Variants in KCTD12 observed in about 807,000 individuals in gnomAD.
KCTD12 encodes potassium channel tetramerization domain containing 12, also known as BTB/POZ domain-containing protein KCTD12.
A neutral mutation model predicts 22.6 loss-of-function variants in KCTD12; 16 were observed. That is an observed-to-expected ratio of 0.71 (90% confidence interval 0.48 to 1.07). The LOEUF is 1.07. Among genes scored for constraint, KCTD12 ranks in the 50% least tolerant of loss-of-function variants. The pLI, the probability that KCTD12 is intolerant of heterozygous loss-of-function variation, is 0.00. For missense variants in KCTD12, 452 were observed against 469.2 expected (o/e 0.96, Z 0.34); for synonymous variants, 260 against 228.0 (o/e 1.14, Z -1.26).
At position 76,885,149 on chromosome 13, in the gene KCTD12, G is replaced by GT; in HGVS notation, c.*21dup. The GT allele has an allele frequency of 1.2e-6, 2 of 1,601,528 alleles. No homozygotes were observed. Among genetic ancestry groups the GT allele is most frequent in the Non-Finnish European group, 1.7e-6 (2 of 1,171,838 alleles). ...GGCAGGAGAAGGACTGGGCGCTGGA[G>GT]TGGCGAGGGGGTCTGGGGAGCTCAC... On this transcript the variant is annotated 3_prime_UTR_variant, in exon 1 of 1. Transcript: ENST00000377474. The surrounding 1 kb of genome is among the most constrained non-coding windows in gnomAD (Gnocchi z 5.1).
chr13:76,880,700 T>C lies in KCTD12; in HGVS notation c.*4471A>G, dbSNP rs1252293517. On this transcript the variant is annotated 3_prime_UTR_variant, in exon 1 of 1. Coordinates refer to ENST00000377474, the MANE Select transcript of KCTD12 (RefSeq NM_138444.4). ...TGTTTGAGTGGTCATAAATGAATTG[T>C]CATTTGTATTCAATAGTAATAGCAA... is the stretch of plus-strand genomic sequence containing the variant. 6.6e-6 allele frequency: 1 copy of C among 152,660 alleles called. No individual in the cohort carries two copies. The allele number at this position is 152,660 out of a possible 1,614,324, so 9.5% of individuals were successfully genotyped here.
Position 76,880,737 on chromosome 13 carries a change from C to T in KCTD12, c.*4434G>A, listed in dbSNP as rs924403737. 1 of 152,430 alleles carries T rather than the reference C, an allele frequency of 6.6e-6. No homozygotes were observed. Among genetic ancestry groups the T allele is most frequent in the Non-Finnish European group, 1.5e-5 (1 of 67,990 alleles). 9.4% of individuals were successfully genotyped at this position (152,430 alleles called of 1,614,324 possible). A position where few individuals can be genotyped will look rare whatever the true frequency, so the allele number is the denominator to read the frequency against. ...AATAGTAATAGCAAAATTTACCTGC[C>T]TATAAAGTCGCAAAAACAGTTGTAT... On this transcript the variant is annotated 3_prime_UTR_variant, in exon 1 of 1. Transcript: ENST00000377474.
At position 76,885,501 on chromosome 13, in the gene KCTD12, G is replaced by A. The variant is rs1343086864; in HGVS notation, c.648C>T (p.Gly216=). Residue 216 remains glycine (G), a synonymous_variant, in exon 1 of 1, where the codon GGC becomes GGT. Coordinates refer to ENST00000377474, the MANE Select transcript of KCTD12 (RefSeq NM_138444.4). The surrounding 1 kb of genome is among the most constrained non-coding windows in gnomAD (Gnocchi z 5.1). ...RSGYITIGYR[G]SYTIGRDAQA... ...GCGCGTCCCGCCCGATGGTGTAGGA[G>A]CCGCGGTAGCCGATGGTGATGTAGC... 5 of 1,601,620 alleles carry A rather than the reference G, an allele frequency of 3.1e-6. No homozygotes were observed. The highest frequency in any genetic ancestry group is 3.3e-4 in the Middle Eastern group (2 of 6,004).
rs1031761542 is a variant in KCTD12 at position 76,884,895 on chromosome 13, T to A, written c.*276A>T. On this transcript the variant is annotated 3_prime_UTR_variant, in exon 1 of 1. Transcript: ENST00000377474. ...GGGAGGGGTGGTTTGAGGCAGGGAG[T>A]AGAGAAAGCATGGAGTGGTAGGTGG... 3 of 358,200 alleles carry A rather than the reference T, an allele frequency of 8.4e-6. No homozygotes were observed. The highest frequency in any genetic ancestry group is 5.6e-5 in the Admixed American group (1 of 17,924). 22.2% of individuals were successfully genotyped at this position (358,200 alleles called of 1,614,324 possible). A position where few individuals can be genotyped will look rare whatever the true frequency, so the allele number is the denominator to read the frequency against.
rs752961555 is a variant in KCTD12 at position 76,885,375 on chromosome 13, G to A, written c.774C>T (p.Asp258=). 1 of 1,613,666 alleles carries A rather than the reference G, an allele frequency of 6.2e-7. No homozygotes were observed. The highest frequency in any genetic ancestry group is 8.5e-7 in the Non-Finnish European group (1 of 1,179,974). The change falls in exon 1 of 1, where the codon GAC becomes GAT. Residue 258 remains aspartate (D), a synonymous_variant. Transcript: ENST00000377474. This position sits in a 1 kb window ranked among gnomAD's most constrained non-coding sequence, Gnocchi z 5.1. ...VFGDTLNESR[D]PDRPPERYTS... is the part of the protein sequence containing the mutation. ...TGTAGCGCTCCGGGGGACGGTCGGG[G>A]TCCCGGCTTTCGTTCAGGGTGTCCC...
Position 76,885,610 on chromosome 13 carries a change from T to C in KCTD12, c.539A>G (p.Glu180Gly), listed in dbSNP as rs1202187102. ...CCCGGACGGACTGCGGCTAGCCAGCTCCAGCGTGGGCGACGGCGCCCCGGC... is the reference window on the plus strand; with the variant it reads ...CCCGGACGGACTGCGGCTAGCCAGCCCCAGCGTGGGCGACGGCGCCCCGGC... ...ASAGAPSPTL[E>G]LASRSPSGGA... The change falls in exon 1 of 1, where the codon GAG (glutamate) becomes GGG (glycine). Residue 180 changes from glutamate (E) to glycine (G), a missense_variant. This residue lies in a region of KCTD12 where 330 missense variants were observed against 296.5 expected (regional missense o/e 1.11). Transcript: ENST00000377474. This position sits in a 1 kb window ranked among gnomAD's most constrained non-coding sequence, Gnocchi z 5.1. 7.9e-6 allele frequency: 12 copies of C among 1,511,082 alleles called. No homozygotes were observed. Among genetic ancestry groups the C allele is most frequent in the Non-Finnish European group, 9.6e-6 (11 of 1,140,228 alleles). The allele number at this position is 1,511,082 out of a possible 1,614,324, so 93.6% of individuals were successfully genotyped here.
In KCTD12 at chr13:76,885,981, G is replaced by C. The variant is rs200953040; in HGVS notation, c.168C>G (p.Pro56=). ...TGAACATGCGCCAGAGCAGCGAGTC[G>C]GGCACCGACACCACCGTGCAGCGCC... is the stretch of plus-strand genomic sequence containing the variant. ...VTRRCTVVSV[P]DSLLWRMFTQ... The change falls in exon 1 of 1, where the codon CCC becomes CCG. Residue 56 remains proline (P), a synonymous_variant. Coordinates refer to ENST00000377474, the MANE Select transcript of KCTD12 (RefSeq NM_138444.4). The surrounding 1 kb of genome is among the most constrained non-coding windows in gnomAD (Gnocchi z 5.1). The C allele has an allele frequency of 1.8e-5, 29 of 1,588,980 alleles. No homozygotes were observed. In the East Asian group the frequency reaches 4.6e-4, roughly 25 times the overall value.
In KCTD12 at chr13:76,881,461, A is replaced by G. The variant is rs1179659442; in HGVS notation, c.*3710T>C. The G allele has an allele frequency of 6.6e-6, 1 of 152,624 alleles. No individual in the cohort carries two copies. The highest frequency in any genetic ancestry group is 1.9e-4 in the East Asian group (1 of 5,204). 9.5% of individuals were successfully genotyped at this position (152,624 alleles called of 1,614,324 possible). A position where few individuals can be genotyped will look rare whatever the true frequency, so the allele number is the denominator to read the frequency against. On this transcript the variant is annotated 3_prime_UTR_variant, in exon 1 of 1. Transcript: ENST00000377474. ...GTTTCACCTTACATGGCTTTATTGA[A>G]ATAACATTCCATCGAAAATTCCAAT...
In KCTD12 at chr13:76,885,449, C is replaced by T; in HGVS notation, c.700G>A (p.Ala234Thr). The T allele has an allele frequency of 6.2e-7, 1 of 1,611,480 alleles. No individual in the cohort carries two copies. The highest frequency in any genetic ancestry group is 8.5e-7 in the Non-Finnish European group (1 of 1,179,944). Residue 234 changes from alanine to threonine, a missense_variant, in exon 1 of 1, where the codon GCG becomes ACG. By Grantham distance (58) the Ala-to-Thr change is moderately conservative. Coordinates refer to ENST00000377474, the MANE Select transcript of KCTD12 (RefSeq NM_138444.4). This position sits in a 1 kb window ranked among gnomAD's most constrained non-coding sequence, Gnocchi z 5.1. ...GTCTTTCCGCAAACGGTGATGCGCG[C>T]CACTCGCCGGAACTTGGCGTCCGCC... ...AQADAKFRRV[A>T]RITVCGKTSL...
chr13:76,886,035 C>T lies in KCTD12; in HGVS notation c.114G>A (p.Leu38=). Residue 38 remains leucine (L), a synonymous_variant, in exon 1 of 1, where the codon CTG becomes CTA. Coordinates refer to ENST00000377474, the MANE Select transcript of KCTD12 (RefSeq NM_138444.4). ...EPPLFPDIVE[L]NVGGQVYVTR... ...TCACGTACACCTGGCCCCCCACGTTCAGCTCCACGATGTCGGGGAAGAGCG... is the reference window on the plus strand; with the variant it reads ...TCACGTACACCTGGCCCCCCACGTTTAGCTCCACGATGTCGGGGAAGAGCG... 1 of 1,587,992 alleles carries T rather than the reference C, an allele frequency of 6.3e-7. No homozygotes were observed. Among genetic ancestry groups the T allele is most frequent in the Non-Finnish European group, 8.5e-7 (1 of 1,170,886 alleles).
Position 76,885,588 on chromosome 13 carries a change from G to A in KCTD12, c.561C>T (p.Ser187=). The A allele has an allele frequency of 1.0e-5, 16 of 1,537,672 alleles. No homozygotes were observed. The highest frequency in any genetic ancestry group is 1.3e-5 in the Non-Finnish European group (15 of 1,148,320). ...TGAGCAGCGGGCCCGCCGCGCCCCCGGACGGACTGCGGCTAGCCAGCTCCA... is the reference window on the plus strand; with the variant it reads ...TGAGCAGCGGGCCCGCCGCGCCCCCAGACGGACTGCGGCTAGCCAGCTCCA... ...PTLELASRSP[S]GGAAGPLLTP... The change falls in exon 1 of 1, where the codon TCC becomes TCT. Residue 187 remains serine (S), a synonymous_variant. Coordinates refer to ENST00000377474, the MANE Select transcript of KCTD12 (RefSeq NM_138444.4). The surrounding 1 kb of genome is among the most constrained non-coding windows in gnomAD (Gnocchi z 5.1).
Position 76,885,542 on chromosome 13 carries a change from C to G in KCTD12, c.607G>C (p.Gly203Arg), listed in dbSNP as rs990400634. The G allele has an allele frequency of 8.9e-6, 14 of 1,566,966 alleles. No individual in the cohort carries two copies. Among genetic ancestry groups the G allele is most frequent in the Non-Finnish European group, 1.2e-5 (14 of 1,160,702 alleles). The change falls in exon 1 of 1, where the codon GGC (glycine) becomes CGC (arginine). Residue 203 changes from glycine (G) to arginine (R), a missense_variant. This residue lies in a region of KCTD12 where 330 missense variants were observed against 296.5 expected (regional missense o/e 1.11). Transcript: ENST00000377474. The surrounding 1 kb of genome is among the most constrained non-coding windows in gnomAD (Gnocchi z 5.1). Reference protein sequence around the residue: ...PLLTPSQSLDGSRRSGYITIG... With the variant: ...PLLTPSQSLDRSRRSGYITIG... Reference sequence around the variant, plus strand: ...GTGATGTAGCCCGAGCGCCGGCTGCCGTCCAGCGACTGGGACGGCGTGAGC... The same window carrying G: ...GTGATGTAGCCCGAGCGCCGGCTGCGGTCCAGCGACTGGGACGGCGTGAGC...
At position 76,881,002 on chromosome 13, in the gene KCTD12, A is replaced by C. The variant is rs2033196699; in HGVS notation, c.*4169T>G. 6.6e-6 allele frequency: 1 copy of C among 152,118 alleles called. No homozygotes were observed. Among genetic ancestry groups the C allele is most frequent in the South Asian group, 2.1e-4 (1 of 4,826 alleles). 9.4% of individuals were successfully genotyped at this position (152,118 alleles called of 1,614,324 possible). On this transcript the variant is annotated 3_prime_UTR_variant, in exon 1 of 1. Coordinates refer to ENST00000377474, the MANE Select transcript of KCTD12 (RefSeq NM_138444.4). ...AATACTTTCAGATTTTTATTGTCCA[A>C]AACTGTTGACAAAGAAAAGCTAACT... is the stretch of plus-strand genomic sequence containing the variant.
Position 76,882,304 on chromosome 13 carries a change from G to A in KCTD12, c.*2867C>T, listed in dbSNP as rs191750615. On this transcript the variant is annotated 3_prime_UTR_variant, in exon 1 of 1. Transcript: ENST00000377474. Reference sequence around the variant, plus strand: ...GACTTTAACTTTAGAGGGGACAGTCGTCCCTGGAAAAAGAAGTAGATTTAC... The same window carrying A: ...GACTTTAACTTTAGAGGGGACAGTCATCCCTGGAAAAAGAAGTAGATTTAC... 5 of 152,072 alleles carry A rather than the reference G, an allele frequency of 3.3e-5. No homozygotes were observed. The highest frequency in any genetic ancestry group is 1.2e-4 in the African/African-American group (5 of 41,436). 9.4% of individuals were successfully genotyped at this position (152,072 alleles called of 1,614,324 possible).
chr13:76,885,721 C>A lies in KCTD12; in HGVS notation c.428G>T (p.Arg143Leu), dbSNP rs938793138. 1 of 1,406,176 alleles carries A rather than the reference C, an allele frequency of 7.1e-7. No individual in the cohort carries two copies. The highest frequency in any genetic ancestry group is 9.1e-7 in the Non-Finnish European group (1 of 1,094,054). 87.1% of individuals were successfully genotyped at this position (1,406,176 alleles called of 1,614,324 possible). The change falls in exon 1 of 1, where the codon CGG becomes CTG. Residue 143 changes from arginine to leucine, a missense_variant. This residue lies in a region of KCTD12 where 330 missense variants were observed against 296.5 expected (regional missense o/e 1.11). Transcript: ENST00000377474. This position sits in a 1 kb window ranked among gnomAD's most constrained non-coding sequence, Gnocchi z 5.1. ...CGAGCCCTCCTTGTGCACCCCGCGC[C>A]GCGAGGGCGGCGGCCCCGGGCCGGG... Reference protein sequence around the residue: ...QQPGPGPPPSRRGVHKEGSLG... With the variant: ...QQPGPGPPPSLRGVHKEGSLG...
rs71203027 is a variant in KCTD12 at position 76,886,284 on chromosome 13, C to CGCCACT, written c.-137_-136insAGTGGC. On this transcript the variant is annotated 5_prime_UTR_variant, in exon 1 of 1. Transcript: ENST00000377474. ...CCGCCGCCGCCGCCGCCGCCACCGC[C>CGCCACT]GCCACCGCCACCGCCGCCACCTCCT... The CGCCACT allele has an allele frequency of 0.037, 38,268 of 1,043,516 alleles. 749 individuals are homozygous for CGCCACT. Among genetic ancestry groups the CGCCACT allele is most frequent in the South Asian group, 0.083 (2,916 of 35,058 alleles). The allele number at this position is 1,043,516 out of a possible 1,614,324, so 64.6% of individuals were successfully genotyped here. A position where few individuals can be genotyped will look rare whatever the true frequency, so the allele number is the denominator to read the frequency against.
rs1329563555 is a variant in KCTD12, at chr13:76,886,151, CAG to C, written c.-5_-4del. ...CGTGTGCTGTCCGCCAGAGCCATGACAGAGAGGTGGCCGGGCCGGGACAGTGG... is the reference window on the plus strand; with the variant it reads ...CGTGTGCTGTCCGCCAGAGCCATGACAGAGGTGGCCGGGCCGGGACAGTGG... On this transcript the variant is annotated 5_prime_UTR_variant, in exon 1 of 1. Transcript: ENST00000377474. 3.3e-6 allele frequency: 5 copies of C among 1,494,962 alleles called. No homozygotes were observed. The highest frequency in any genetic ancestry group is 4.5e-6 in the Non-Finnish European group (5 of 1,123,022). The allele number at this position is 1,494,962 out of a possible 1,614,324, so 92.6% of individuals were successfully genotyped here.
rs1464627506 is a variant in KCTD12 at position 76,881,059 on chromosome 13, C to T, written c.*4112G>A. ...TAACTTGTTTCTGGCTATACAAAGACCTATTTCAGGTGCTACAGATACTGA... is the reference window on the plus strand; with the variant it reads ...TAACTTGTTTCTGGCTATACAAAGATCTATTTCAGGTGCTACAGATACTGA... On this transcript the variant is annotated 3_prime_UTR_variant, in exon 1 of 1. Transcript: ENST00000377474. The T allele has an allele frequency of 6.6e-6, 1 of 152,100 alleles. No individual in the cohort carries two copies. Among genetic ancestry groups the T allele is most frequent in the Admixed American group, 6.5e-5 (1 of 15,278 alleles). 9.4% of individuals were successfully genotyped at this position (152,100 alleles called of 1,614,324 possible). A position where few individuals can be genotyped will look rare whatever the true frequency, so the allele number is the denominator to read the frequency against.
In KCTD12 at chr13:76,885,498, G is replaced by C; in HGVS notation, c.651C>G (p.Ser217=). 1 of 1,604,388 alleles carries C rather than the reference G, an allele frequency of 6.2e-7. No homozygotes were observed. The highest frequency in any genetic ancestry group is 8.5e-7 in the Non-Finnish European group (1 of 1,177,924). Residue 217 remains serine (S), a synonymous_variant, in exon 1 of 1, where the codon TCC becomes TCG. Transcript: ENST00000377474. This position sits in a 1 kb window ranked among gnomAD's most constrained non-coding sequence, Gnocchi z 5.1. ...SGYITIGYRG[S]YTIGRDAQAD... is the part of the protein sequence containing the mutation. ...CCTGCGCGTCCCGCCCGATGGTGTA[G>C]GAGCCGCGGTAGCCGATGGTGATGT... is the stretch of plus-strand genomic sequence containing the variant.
Sources: allele counts gnomAD v4.1 joint callset, GRCh38; gene constraint gnomAD v4.1.1; regional missense constraint gnomAD v4.1.1; non-coding constraint Gnocchi (gnomAD v3.1); transcripts MANE v1.5; gene names NCBI Gene and HGNC (gene_info 2026-07-23, HGNC 2026-07-21).